SUSD4: variants seen among roughly 807,000 people sequenced by gnomAD.
SUSD4 encodes the protein sushi domain-containing protein 4.
A neutral mutation model predicts 50.5 loss-of-function variants in SUSD4; 41 were observed. The observed-to-expected ratio is 0.81, with a 90% CI of 0.63 to 1.05. SUSD4 has a LOEUF of 1.05. SUSD4 is among the 50% of genes least tolerant of loss of function. The pLI is 0.00. For missense variants in SUSD4, 580 were observed against 634.7 expected (o/e 0.91, Z 0.93); for synonymous variants, 257 against 257.3 (o/e 1.00, Z 0.01).
At chr1:223,307,069 AC>A (rs34233205) in intron 2 of SUSD4, among the ~76,000 whole-genome samples, 21,272 of 151,398 alleles carry the variant, frequency 0.14, 1,771 homozygotes, top group South Asian at 0.23. Context: ...GGATCTCAAC[AC>A]ATTGCCTAGG....
intron 2 of SUSD4, among the ~76,000 whole-genome samples, chr1:223,331,586 C>T (rs894063457): frequency 1.3e-5 from 2 of 152,182 alleles, no homozygotes; most frequent in African/African-American, 2.4e-5. Context: ...GGTTGATCTC[C>T]GAGGCCTTTG....
At chr1:223,358,212 T>C (rs1042223074) in intron 2 of SUSD4, among the ~76,000 whole-genome samples, 1 of 152,206 alleles carries the variant, frequency 6.6e-6, no homozygotes, top group Non-Finnish European at 1.5e-5. Flanking sequence ...CCCTTAACTG[T>C]GTATCCCCAG....
rs151227139 is a variant in SUSD4 at position 223,352,313 on chromosome 1, T to G, written c.148+10965A>C. On this transcript the variant is annotated intron_variant, in intron 2 of 8. Transcript: ENST00000366878. ...GATGACAAGGGGCAAGAGCTCTCTG[T>G]GTGCTCATTTCCATGTAAATGAAAA... is the stretch of plus-strand genomic sequence containing the variant. 2.1e-3 allele frequency among the ~76,000 whole-genome samples: 318 copies of G among 152,318 alleles called. No homozygotes were observed. The Middle Eastern group carries it at 0.024, about 11-fold the overall frequency.
intron 3 of SUSD4, among the ~76,000 whole-genome samples, chr1:223,282,298 T>G (rs1178478333): frequency 2.0e-5 from 3 of 152,182 alleles, no homozygotes; most frequent in African/African-American, 7.2e-5. Flanking sequence ...GAAGTCAAAT[T>G]GTCCCTGTTT....
At chr1:223,355,676 T>C (rs1424375714) in intron 2 of SUSD4, among the ~76,000 whole-genome samples, 2 of 152,196 alleles carry the variant, frequency 1.3e-5, no homozygotes, top group African/African-American at 4.8e-5. Flanking sequence ...TGACCCTCCT[T>C]GCTCATCTCC....
chr1:223,323,411 T>C (rs1257449464), intron 2 of SUSD4, among the ~76,000 whole-genome samples: 2 of 151,978 alleles, frequency 1.3e-5, no homozygotes, highest in Admixed American at 1.3e-4. Context: ...AAAATGGTGG[T>C]GTGTAGAGTT....
At chr1:223,260,887 C>A (rs542764769) in intron 5 of SUSD4, among the ~76,000 whole-genome samples, 19 of 152,302 alleles carry the variant, frequency 1.2e-4, no homozygotes, top group African/African-American at 4.3e-4. Context: ...CAGGTATCAA[C>A]TATGAGATTG....
At chr1:223,251,714 C>T (rs1020857261) in intron 5 of SUSD4, among the ~76,000 whole-genome samples, 2 of 152,122 alleles carry the variant, frequency 1.3e-5, no homozygotes, top group Admixed American at 6.5e-5. Flanking sequence ...AATAAACATA[C>T]GTGTGCATGT....
intron 5 of SUSD4, among the ~76,000 whole-genome samples, chr1:223,245,749 C>T (rs1660880836): frequency 6.6e-6 from 1 of 152,214 alleles, no homozygotes; most frequent in African/African-American, 2.4e-5. Context: ...CGGCCTGGAC[C>T]AGGACAGTGG....
intron 7 of SUSD4, among the ~76,000 whole-genome samples, chr1:223,224,608 G>C (rs1361393336): frequency 6.6e-6 from 1 of 152,208 alleles, no homozygotes; most frequent in Non-Finnish European, 1.5e-5. Flanking sequence ...CAAGGCCCGG[G>C]TTGCTGGTGT....
chr1:223,224,565 C>T (rs946510659), intron 7 of SUSD4, among the ~76,000 whole-genome samples: 12 of 152,148 alleles, frequency 7.9e-5, no homozygotes, highest in African/African-American at 2.7e-4. Flanking sequence ...GCAGGCTCAC[C>T]GCCACCTCCT....
Position 223,331,082 on chromosome 1 carries a change from C to T in SUSD4, c.148+32196G>A, listed in dbSNP as rs575764071. Among the ~76,000 whole-genome samples, 27 of 152,326 alleles carry T rather than the reference C, an allele frequency of 1.8e-4. 1 individual carries two copies. The highest frequency in any genetic ancestry group is 3.3e-4 in the Admixed American group (5 of 15,304). On this transcript the variant is annotated intron_variant, in intron 2 of 8. Coordinates refer to ENST00000366878, the MANE Select transcript of SUSD4 (RefSeq NM_017982.4). ...TCTCATGGGTGAGGGCATTTCTCCA[C>T]GGCAGGCCTACCCAAGCCCTTCAGT...
chr1:223,361,049 A>G (rs1168507600), intron 2 of SUSD4, among the ~76,000 whole-genome samples: 1 of 152,208 alleles, frequency 6.6e-6, no homozygotes, highest in African/African-American at 2.4e-5. Context: ...AGAAATGCCG[A>G]GTCTCAGGCC....
At chr1:223,267,679 G>T (rs1322277414) in intron 4 of SUSD4, among the ~76,000 whole-genome samples, 1 of 151,820 alleles carries the variant, frequency 6.6e-6, no homozygotes, top group Non-Finnish European at 1.5e-5. Context: ...CCAAGAACAG[G>T]GCACCCAAAG....
intron 5 of SUSD4, among the ~76,000 whole-genome samples, chr1:223,246,676 T>A (rs2103033204): frequency 6.6e-6 from 1 of 152,088 alleles, no homozygotes; most frequent in African/African-American, 2.4e-5. Context: ...CCTCAGCAGA[T>A]CGGTGGCCAG....
chr1:223,341,420 C>T (rs768982790), intron 2 of SUSD4, among the ~76,000 whole-genome samples: 4 of 152,204 alleles, frequency 2.6e-5, no homozygotes, highest in Admixed American at 6.5e-5. Context: ...GGGCAGCTGC[C>T]GCCAGCAGAG....
chr1:223,248,276 G>A (rs756482466), intron 5 of SUSD4, among the ~76,000 whole-genome samples: 4 of 152,166 alleles, frequency 2.6e-5, no homozygotes, highest in East Asian at 3.9e-4. Flanking sequence ...CAAAGGCATC[G>A]CATCAAGACA....
intron 5 of SUSD4, among the ~76,000 whole-genome samples, chr1:223,259,070 T>G (rs759289805): frequency 1.9e-4 from 29 of 152,124 alleles, no homozygotes; most frequent in Non-Finnish European, 8.8e-5. Flanking sequence ...ATTTCAGGAA[T>G]AGCAACACAT....
chr1:223,283,321 C>T (rs1041142856), intron 3 of SUSD4, among the ~76,000 whole-genome samples: 1 of 152,062 alleles, frequency 6.6e-6, no homozygotes, highest in Non-Finnish European at 1.5e-5. Context: ...AAAATTTTTG[C>T]AATCTACTCA....
Sources: allele counts gnomAD v4.1 joint callset (sites outside exome capture counted in the v4.1 genomes callset), GRCh38; gene constraint gnomAD v4.1.1; transcripts MANE v1.5; gene names NCBI Gene and HGNC (gene_info 2026-07-23, HGNC 2026-07-21).